RBM26: variants seen among roughly 807,000 people sequenced by gnomAD.
The protein encoded by RBM26 is RNA binding motif protein 26, also known as RNA-binding protein 26.
In RBM26, 30 loss-of-function variants were observed where a neutral mutation model predicts 123.6. That is an observed-to-expected ratio of 0.24 (90% CI 0.18 to 0.33). The LOEUF (loss-of-function observed/expected upper bound fraction) is 0.33, where lower values mean the gene tolerates loss of function less well. RBM26 is among the 10% of genes least tolerant of loss of function. The pLI, the probability that RBM26 is intolerant of heterozygous loss-of-function variation, is 1.00. For missense variants in RBM26, 947 were observed against 1,203.6 expected, an observed-to-expected ratio of 0.79 and a Z score of 3.15; for synonymous variants, 400 against 404.4, an observed-to-expected ratio of 0.99 and a Z score of 0.13.
Position 79,403,287 on chromosome 13 carries a change from A to G in RBM26, c.71+2417T>C, listed in dbSNP as rs377139127. Among the ~76,000 whole-genome samples, 33 of 152,294 alleles carry G rather than the reference A, an allele frequency of 2.2e-4. 2 individuals are homozygous for G. The South Asian group carries it at 6.8e-3, about 32-fold the overall frequency. ...AGCTACACACATTAGAAAAGGACCA[A>G]TTACAATTCCCAGTGTCTAGGCTCT... On this transcript the variant is annotated intron_variant, in intron 1 of 21. Coordinates refer to ENST00000438737, the MANE Select transcript of RBM26 (RefSeq NM_001366735.2).
rs765546740 is a variant in RBM26 at position 79,366,028 on chromosome 13, C to G, written c.1276+27G>C. ...CTTCATCTAAAACTGTGTTACATTA[C>G]GAATATAAAAAGGGCCAAAACTGCA... On this transcript the variant is annotated intron_variant, in intron 8 of 21. Coordinates refer to ENST00000438737, the MANE Select transcript of RBM26 (RefSeq NM_001366735.2). 8.1e-6 allele frequency: 13 copies of G among 1,603,070 alleles called. No individual in the cohort carries two copies. In the Admixed American group the frequency reaches 2.0e-4, roughly 25 times the overall value.
chr13:79,351,450 T>TG (rs2073204013), intron 14 of RBM26, among the ~76,000 whole-genome samples: 1 of 152,068 alleles, frequency 6.6e-6, no homozygotes, highest in Admixed American at 6.6e-5. Flanking sequence ...CTAATCCAAG[T>TG]AAGTATTTGA....
At chr13:79,343,111 T>C (rs1429976942) in intron 16 of RBM26, among the ~76,000 whole-genome samples, 1 of 151,730 alleles carries the variant, frequency 6.6e-6, no homozygotes, top group Non-Finnish European at 1.5e-5. Flanking sequence ...CAGAAGAAAC[T>C]CAATTCTATC....
intron 1 of RBM26, 100 bp from the exon 2 acceptor site, chr13:79,379,007 A>G (rs746600979): frequency 3.7e-5 from 28 of 749,532 alleles, no homozygotes; most frequent in Non-Finnish European, 5.8e-5. Flanking sequence ...TAAGTGAGTT[A>G]ATACATGTAA....
In RBM26 at chr13:79,318,882, AAAAAG is replaced by A; in HGVS notation, c.*1734_*1738del. ...CAATTTGGCACCTTTCACGACTACT[AAAAAG>A]AAAAGAAAACAAACTTACCTAATGA... On this transcript the variant is annotated 3_prime_UTR_variant, in exon 22 of 22. Coordinates refer to ENST00000438737, the MANE Select transcript of RBM26 (RefSeq NM_001366735.2). 3 of 979,370 alleles carry A rather than the reference AAAAAG, an allele frequency of 3.1e-6. No individual in the cohort carries two copies. The highest frequency in any genetic ancestry group is 3.6e-6 in the Non-Finnish European group (3 of 824,628). The allele number at this position is 979,370 out of a possible 1,614,324, so 60.7% of individuals were successfully genotyped here. A position where few individuals can be genotyped will look rare whatever the true frequency, so the allele number is the denominator to read the frequency against.
At chr13:79,398,778 C>T (rs1037457401) in intron 1 of RBM26, among the ~76,000 whole-genome samples, 1 of 152,120 alleles carries the variant, frequency 6.6e-6, no homozygotes, top group Non-Finnish European at 1.5e-5. Context: ...AAGAAGTAGA[C>T]CCAAAGACTA....
At chr13:79,318,254 T>TAAA (rs565772303), downstream of RBM26, among the ~76,000 whole-genome samples, 1 of 144,988 alleles carries the variant, frequency 6.9e-6, no homozygotes, top group Non-Finnish European at 1.5e-5. Context: ...AACGTAGAGT[T>TAAA]AAAAAAAAAA....
chr13:79,315,118 C>G (rs899413505), downstream of RBM26: 1 of 484,392 alleles, frequency 2.1e-6, no homozygotes, highest in African/African-American at 2.1e-5. Context: ...AGAAAGAAAT[C>G]AAAATCAAAG....
intron 14 of RBM26, among the ~76,000 whole-genome samples, chr13:79,348,731 T>C (rs1445672660): frequency 6.6e-6 from 1 of 152,166 alleles, no homozygotes; most frequent in East Asian, 1.9e-4. Context: ...TGAATGTTCG[T>C]TTATGATATT....
intron 19 of RBM26, 81 bp downstream of exon 19, chr13:79,337,021 T>C: frequency 2.3e-6 from 3 of 1,312,134 alleles, no homozygotes; most frequent in Non-Finnish European, 3.2e-6. Flanking sequence ...TTATGTCCTT[T>C]TCATAACTTC....
rs374020025 is a variant in RBM26 at position 79,341,399 on chromosome 13, C to G, written c.2428-172G>C. Among the ~76,000 whole-genome samples, 16 of 151,992 alleles carry G rather than the reference C, an allele frequency of 1.1e-4. No individual in the cohort carries two copies. In the East Asian group the frequency reaches 1.7e-3, roughly 16 times the overall value. On this transcript the variant is annotated intron_variant, in intron 17 of 21. Transcript: ENST00000438737. ...CACACCTCCACAATAACTGCAACAGCTTCCTAACTTGTTGCTACTTTCACT... is the reference window on the plus strand; with the variant it reads ...CACACCTCCACAATAACTGCAACAGGTTCCTAACTTGTTGCTACTTTCACT...
At chr13:79,337,383 A>C (rs2070629352) in intron 18 of RBM26, 81 bp from the exon 19 acceptor site, 1 of 1,478,426 alleles carries the variant, frequency 6.8e-7, no homozygotes, top group Non-Finnish European at 9.4e-7. Context: ...CAGATGAATA[A>C]AACTTTAATG....
chr13:79,344,599 G>GAA, intron 15 of RBM26, 70 bp downstream of exon 15: 1 of 1,404,292 alleles, frequency 7.1e-7, no homozygotes, highest in East Asian at 2.3e-5. Flanking sequence ...AATAAGCACT[G>GAA]AAAAAACACA....
chr13:79,334,324 A>G lies in RBM26; in HGVS notation c.2820+20T>C. On this transcript the variant is annotated intron_variant, in intron 20 of 21. Transcript: ENST00000438737. ...ATAAATCATTTAAATCTGAATTGATAAATTATTTTTAAAACTTACTGCTTC... is the reference window on the plus strand; with the variant it reads ...ATAAATCATTTAAATCTGAATTGATGAATTATTTTTAAAACTTACTGCTTC... 1.5e-6 allele frequency: 2 copies of G among 1,344,822 alleles called. No individual in the cohort carries two copies. The highest frequency in any genetic ancestry group is 1.3e-5 in the South Asian group (1 of 74,146). 83.3% of individuals were successfully genotyped at this position (1,344,822 alleles called of 1,614,324 possible). A position where few individuals can be genotyped will look rare whatever the true frequency, so the allele number is the denominator to read the frequency against.
chr13:79,370,698 C>T (rs547849996), intron 5 of RBM26, among the ~76,000 whole-genome samples: 33 of 152,328 alleles, frequency 2.2e-4, no homozygotes, highest in African/African-American at 7.9e-4. Context: ...TATCTACTTT[C>T]TCACCAACAT....
intron 1 of RBM26, among the ~76,000 whole-genome samples, chr13:79,404,244 T>C (rs1340995812): frequency 6.6e-6 from 1 of 152,196 alleles, no homozygotes; most frequent in Non-Finnish European, 1.5e-5. Flanking sequence ...CCCATTCTGT[T>C]GCTTGGGTTA....
chr13:79,404,766 C>A lies in RBM26; in HGVS notation c.71+938G>T, dbSNP rs149603201. ...TCCTTCCTTGACCAATGTGAAATAGCCCCCCTCATAATCACTTTTACATGA... is the reference window on the plus strand; with the variant it reads ...TCCTTCCTTGACCAATGTGAAATAGACCCCCTCATAATCACTTTTACATGA... On this transcript the variant is annotated intron_variant, in intron 1 of 21. Transcript: ENST00000438737. Among the ~76,000 whole-genome samples the A allele has an allele frequency of 7.9e-5, 12 of 152,262 alleles. 1 individual carries two copies. In the South Asian group the frequency reaches 8.3e-4, roughly 11 times the overall value.
At chr13:79,381,247 A>G (rs2077048722) in intron 1 of RBM26, among the ~76,000 whole-genome samples, 1 of 152,048 alleles carries the variant, frequency 6.6e-6, no homozygotes, top group African/African-American at 2.4e-5. Context: ...CTCATACTCC[A>G]AAGTCCACAT....
chr13:79,385,298 GTAAT>G (rs1469292023), intron 1 of RBM26, among the ~76,000 whole-genome samples: 2 of 152,098 alleles, frequency 1.3e-5, no homozygotes, highest in Non-Finnish European at 1.5e-5. Context: ...CTTATATACA[GTAAT>G]TAGTTACAGC....
Sources: gnomAD v4.1 joint callset for allele counts (sites outside exome capture counted in the v4.1 genomes callset) on GRCh38, gnomAD v4.1.1 for gene constraint, MANE v1.5 for transcripts, NCBI Gene and HGNC (gene_info 2026-07-23, HGNC 2026-07-21) for gene names.